Variants in TSPAN1 observed in about 807,000 individuals in gnomAD.
TSPAN1 encodes the protein tetraspanin-1.
In TSPAN1, 23 loss-of-function variants were observed where a neutral mutation model predicts 26.9. The ratio of observed to expected loss-of-function variants is 0.85; its 90% CI spans 0.62 to 1.21. TSPAN1 has a LOEUF of 1.21. Among genes scored for constraint, TSPAN1 ranks in the 50% most tolerant of loss-of-function variants. The probability of loss-of-function intolerance (pLI) is 0.00; values close to 1 mark genes in which losing one functional copy is unlikely to be tolerated. For synonymous variants in TSPAN1, 115 were observed against 114.8 expected (o/e 1.00, Z -0.01); for missense variants, 283 against 298.4 (o/e 0.95, Z 0.38).
At chr1:46,188,189 A>G (rs2148155264), downstream of TSPAN1, among the ~76,000 whole-genome samples, 1 of 152,278 alleles carries the variant, frequency 6.6e-6, no homozygotes, top group East Asian at 1.9e-4. Flanking sequence ...TCTGAATAGC[A>G]AAGTGCTCTA....
At chr1:46,189,940 GGAAA>G (rs1057516986), downstream of TSPAN1, 3 of 1,614,116 alleles carry the variant, frequency 1.9e-6, no homozygotes, top group Non-Finnish European at 2.5e-6. Context: ...GTGTCTGGCA[GGAAA>G]GAGTCTTCAC....
intron 1 of TSPAN1, among the ~76,000 whole-genome samples, chr1:46,178,081 G>A (rs1326518495): frequency 1.3e-5 from 2 of 152,316 alleles, no homozygotes; most frequent in Non-Finnish European, 2.9e-5. Context: ...AAGGTTCCAG[G>A]TGCGGTGGCT....
intron 1 of TSPAN1, among the ~76,000 whole-genome samples, chr1:46,179,989 T>TTGTG (rs918590782): frequency 3.0e-5 from 4 of 135,492 alleles, no homozygotes; most frequent in Non-Finnish European, 6.3e-5. Context: ...GTGTGTGTGT[T>TTGTG]TGTGTGTGTG....
chr1:46,195,850 G>T, the TSPAN1 span: 3 of 1,611,634 alleles, frequency 1.9e-6, no homozygotes, highest in Non-Finnish European at 2.5e-6. Context: ...GCGCTACCAT[G>T]TTGAGGAATA....
Position 46,184,188 on chromosome 1 carries a change from C to G in TSPAN1, c.58-3C>G. 1.2e-6 allele frequency: 2 copies of G among 1,614,140 alleles called. No individual in the cohort carries two copies. The highest frequency in any genetic ancestry group is 8.5e-7 in the Non-Finnish European group (1 of 1,179,994). ...AAGGCCTGCCTGACCTCTCTCTCCCCAGCTGTGTGGTGCAGCCCTGTTGGC... is the reference window on the plus strand; with the variant it reads ...AAGGCCTGCCTGACCTCTCTCTCCCGAGCTGTGTGGTGCAGCCCTGTTGGC... On this transcript the variant is annotated splice_region_variant and splice_polypyrimidine_tract_variant and intron_variant, in intron 3 of 8. Coordinates refer to ENST00000372003, the MANE Select transcript of TSPAN1 (RefSeq NM_005727.4).
At chr1:46,184,541 A>T (rs1017297733) in intron 4 of TSPAN1, 53 bp from the exon 5 acceptor site, 1 of 1,605,294 alleles carries the variant, frequency 6.2e-7, no homozygotes, top group Non-Finnish European at 8.5e-7. Flanking sequence ...TAGGGCAAGG[A>T]GGGCATGAGG....
chr1:46,189,604 G>C, downstream of TSPAN1: 2 of 1,587,392 alleles, frequency 1.3e-6, no homozygotes, highest in Middle Eastern at 1.7e-4. Flanking sequence ...ACATGGGTCA[G>C]AGAGCTGTAG....
chr1:46,185,194 C>A (rs56335143), intron 7 of TSPAN1, 31 bp from the exon 8 acceptor site: 1 of 1,614,124 alleles, frequency 6.2e-7, no homozygotes, highest in Non-Finnish European at 8.5e-7. Flanking sequence ...GGGCAGCTGC[C>A]AACTATAAAT....
downstream of TSPAN1, chr1:46,188,536 A>G (rs1232141392): frequency 1.8e-6 from 2 of 1,082,390 alleles, no homozygotes; most frequent in East Asian, 5.3e-5. Context: ...TTTGAGACTC[A>G]GGCATCCCCT....
At chr1:46,176,404 C>T (rs1657163821) in intron 1 of TSPAN1, 3 of 1,535,782 alleles carry the variant, frequency 2.0e-6, no homozygotes, top group Non-Finnish European at 2.6e-6. Flanking sequence ...CCAGCCCATA[C>T]CTGGCCTGCG....
the TSPAN1 span, chr1:46,192,029 C>T: frequency 3.8e-3 from 5,875 of 1,534,906 alleles, 17 homozygotes; most frequent in Non-Finnish European, 4.4e-3. Context: ...GCTAAGATTG[C>T]TTCAGAGTCC....
Position 46,184,786 on chromosome 1 carries a change from C to CCT in TSPAN1, c.341_342insCT (p.Glu115LeufsTer5). ...TAAACACTGGCCTGCCTCACCCAGG[C>CCT]TGAGCACTTCCTGACGTTGCTGGTA... On this transcript the variant is annotated frameshift_variant and splice_region_variant, in exon 6 of 9. Transcript: ENST00000372003. LOFTEE classifies it high-confidence loss of function. 1 of 1,614,242 alleles carries CCT rather than the reference C, an allele frequency of 6.2e-7. No homozygotes were observed. Among genetic ancestry groups the CCT allele is most frequent in the Non-Finnish European group, 8.5e-7 (1 of 1,180,044 alleles).
chr1:46,183,043 G>A (rs891794013), intron 3 of TSPAN1, among the ~76,000 whole-genome samples: 1 of 152,078 alleles, frequency 6.6e-6, no homozygotes, highest in East Asian at 1.9e-4. Flanking sequence ...TCGAACTCCT[G>A]GACTTAAGTG....
chr1:46,185,187 C>A, intron 7 of TSPAN1, 38 bp from the exon 8 acceptor site: 2 of 1,614,102 alleles, frequency 1.2e-6, no homozygotes, highest in Non-Finnish European at 1.7e-6. Flanking sequence ...GGGAGTAGGG[C>A]AGCTGCCAAC....
chr1:46,191,993 A>G, the TSPAN1 span: 3 of 1,465,366 alleles, frequency 2.0e-6, no homozygotes, highest in African/African-American at 4.2e-5. Flanking sequence ...TCTTTCCCCA[A>G]GGTTACATGG....
At chr1:46,188,535 C>T (rs2148156641), downstream of TSPAN1, 1 of 1,082,214 alleles carries the variant, frequency 9.2e-7, no homozygotes, top group Middle Eastern at 3.2e-4. Context: ...GTTTGAGACT[C>T]AGGCATCCCC....
chr1:46,176,439 C>T (rs923540083), intron 1 of TSPAN1: 57 of 1,535,642 alleles, frequency 3.7e-5, no homozygotes, highest in Non-Finnish European at 4.9e-5. Context: ...TGCCCTGGGG[C>T]CGAGGGCCAC....
intron 1 of TSPAN1, chr1:46,175,847 G>A (rs1395425397): frequency 2.2e-6 from 1 of 448,100 alleles, no homozygotes; most frequent in Non-Finnish European, 3.9e-6. Flanking sequence ...AACAGAACCA[G>A]GTAGGGAAAT....
At position 46,184,865 on chromosome 1, in the gene TSPAN1, G is replaced by A; in HGVS notation, c.420G>A (p.Trp140Ter). Residue 140 changes from tryptophan (W) to a stop codon, truncating the protein, a stop_gained, in exon 6 of 9, where the codon TGG (tryptophan) becomes TGA (stop). Coordinates refer to ENST00000372003, the MANE Select transcript of TSPAN1 (RefSeq NM_005727.4). LOFTEE classifies it high-confidence loss of function. ...YGSQEDFTQV[W>*]NTTMKGLKCC... The stretch of plus-strand genomic sequence containing the variant: ...CCCAGGAAGACTTCACTCAAGTGTG[G>A]AACACCACCATGAAAGGGGTAAGGT... 1 of 1,614,170 alleles carries A rather than the reference G, an allele frequency of 6.2e-7. No homozygotes were observed. The highest frequency in any genetic ancestry group is 8.5e-7 in the Non-Finnish European group (1 of 1,180,034).
Sources: gnomAD v4.1 joint callset for allele counts (sites outside exome capture counted in the v4.1 genomes callset) on GRCh38, gnomAD v4.1.1 for gene constraint, MANE v1.5 for transcripts, NCBI Gene and HGNC (gene_info 2026-07-23, HGNC 2026-07-21) for gene names.